Variants in FRMPD4 observed in about 807,000 individuals in gnomAD.
FRMPD4 encodes FERM and PDZ domain containing 4.
A neutral mutation model predicts 94.1 loss-of-function variants in FRMPD4; 22 were observed. The ratio of observed to expected loss-of-function variants is 0.23; its 90% CI spans 0.17 to 0.33. The LOEUF (loss-of-function observed/expected upper bound fraction) is 0.33. FRMPD4 is among the 10% of genes least tolerant of loss of function. The probability of loss-of-function intolerance (pLI) is 1.00; values close to 1 mark genes in which losing one functional copy is unlikely to be tolerated. For missense variants in FRMPD4, 1,111 were observed against 1,339.9 expected (o/e 0.83, Z 2.67); for synonymous variants, 631 against 548.6 (o/e 1.15, Z -2.10).
At chrX:12,559,487 T>C (rs1348592665) in intron 2 of FRMPD4, among the ~76,000 whole-genome samples, 2 of 110,433 alleles carry the variant, frequency 1.8e-5, no homozygotes, top group African/African-American at 6.6e-5. Flanking sequence ...CCATCTCTAC[T>C]AAAAATACAA....
At chrX:12,391,692 A>G (rs1382217424) in intron 1 of FRMPD4, among the ~76,000 whole-genome samples, 1 of 111,398 alleles carries the variant, frequency 9.0e-6, no homozygotes, top group Admixed American at 9.5e-5. Context: ...TCACTTTGCC[A>G]TGTACTGAAA....
intron 4 of FRMPD4, among the ~76,000 whole-genome samples, chrX:12,654,060 C>T (rs745495387): frequency 6.2e-5 from 7 of 112,183 alleles, no homozygotes; most frequent in African/African-American, 1.6e-4. Context: ...CGTGAGCCAC[C>T]GTGCCCAGCC....
intron 4 of FRMPD4, among the ~76,000 whole-genome samples, chrX:12,661,565 A>G (rs1290190948): frequency 1.8e-5 from 2 of 112,079 alleles, no homozygotes; most frequent in East Asian, 5.6e-4. Flanking sequence ...CCTGAACATG[A>G]CTTAGAAATG....
intron 3 of FRMPD4, among the ~76,000 whole-genome samples, chrX:12,036,885 C>T (rs747435568): frequency 1.8e-5 from 2 of 112,154 alleles, no homozygotes; most frequent in South Asian, 7.5e-4. Context: ...GCCATTGACA[C>T]GGTAATGTGG....
chrX:11,883,249 T>A (rs896043444), intron 3 of FRMPD4, among the ~76,000 whole-genome samples: 6 of 111,751 alleles, frequency 5.4e-5, no homozygotes, highest in African/African-American at 2.0e-4. Context: ...AAATTGGGGA[T>A]CATTGGCACA....
intron 3 of FRMPD4, among the ~76,000 whole-genome samples, chrX:11,905,927 C>G (rs936454630): frequency 9.0e-6 from 1 of 110,539 alleles, no homozygotes; most frequent in Non-Finnish European, 1.9e-5. Context: ...TAACATCAAC[C>G]AATGTGAAAT....
intron 1 of FRMPD4, among the ~76,000 whole-genome samples, chrX:12,309,217 A>T: frequency 9.0e-6 from 1 of 111,715 alleles, no homozygotes; most frequent in East Asian, 2.8e-4. Context: ...TAGTTTGCCA[A>T]CCCTTGCTCC....
chrX:11,827,543 T>G (rs1208260107), intron 1 of FRMPD4, among the ~76,000 whole-genome samples: 1 of 111,474 alleles, frequency 9.0e-6, no homozygotes. Flanking sequence ...GTAGCAAGAC[T>G]TCTAAGAAGA....
At position 12,524,313 on chromosome X, in the gene FRMPD4, C is replaced by T. The variant is rs190618159; in HGVS notation, c.158+25517C>T. Among the ~76,000 whole-genome samples the T allele has an allele frequency of 1.9e-3, 218 of 112,208 alleles. 2 individuals carry two copies. The highest frequency in any genetic ancestry group is 4.6e-3 in the Middle Eastern group (1 of 217). ...AACTGGTCTATTTTGGAATCTATCT[C>T]CTTCCTTAAAACTTCAGTTTGATTA... On this transcript the variant is annotated intron_variant, in intron 2 of 16. Transcript: ENST00000675598.
At chrX:12,643,683 T>G (rs1180692854) in intron 4 of FRMPD4, among the ~76,000 whole-genome samples, 1 of 111,864 alleles carries the variant, frequency 8.9e-6, no homozygotes, top group African/African-American at 3.2e-5. Flanking sequence ...CCCAAATTTG[T>G]AGCTTGAGCC....
intron 1 of FRMPD4, among the ~76,000 whole-genome samples, chrX:12,240,685 G>A (rs1447442905): frequency 8.9e-6 from 1 of 112,264 alleles, no homozygotes; most frequent in Non-Finnish European, 1.9e-5. Flanking sequence ...TATAGATCAA[G>A]ATAAGCAATG....
chrX:12,235,326 G>GTCTC (rs1336978659), intron 1 of FRMPD4, among the ~76,000 whole-genome samples: 1 of 111,872 alleles, frequency 8.9e-6, no homozygotes, highest in African/African-American at 3.3e-5. Context: ...GGATGAAATA[G>GTCTC]TCTCTCCTCT....
intron 1 of FRMPD4, among the ~76,000 whole-genome samples, chrX:12,253,348 A>G (rs921628205): frequency 8.9e-6 from 1 of 112,362 alleles, no homozygotes; most frequent in Admixed American, 9.4e-5. Flanking sequence ...ACTCTCCCCC[A>G]GCATTATGAA....
chrX:12,394,062 T>G (rs1288375885), intron 1 of FRMPD4, among the ~76,000 whole-genome samples: 4 of 111,896 alleles, frequency 3.6e-5, no homozygotes, highest in African/African-American at 1.3e-4. Flanking sequence ...GATAATAAGT[T>G]ATATAAGTTA....
intron 3 of FRMPD4, among the ~76,000 whole-genome samples, chrX:11,993,894 A>C (rs1353370773): frequency 1.8e-5 from 2 of 112,070 alleles, no homozygotes; most frequent in African/African-American, 6.5e-5. Flanking sequence ...ACTAGGGTCC[A>C]ATTCTGCTAA....
At chrX:12,360,350 G>A (rs775733170) in intron 1 of FRMPD4, among the ~76,000 whole-genome samples, 1 of 111,910 alleles carries the variant, frequency 8.9e-6, no homozygotes, top group South Asian at 3.8e-4. Context: ...CACTTAGTGA[G>A]TTGAGCTTGA....
At chrX:12,437,371 T>C (rs775207014) in intron 1 of FRMPD4, among the ~76,000 whole-genome samples, 2 of 108,875 alleles carry the variant, frequency 1.8e-5, no homozygotes, top group Non-Finnish European at 3.8e-5. Flanking sequence ...TTCCAGGTAG[T>C]ATTTATTTAG....
chrX:11,974,898 C>G (rs1351335526), intron 3 of FRMPD4, among the ~76,000 whole-genome samples: 1 of 111,382 alleles, frequency 9.0e-6, no homozygotes, highest in Non-Finnish European at 1.9e-5. Context: ...ATGAAGTCCA[C>G]TGAGTCAAAG....
intron 2 of FRMPD4, among the ~76,000 whole-genome samples, chrX:12,571,344 A>C (rs1226124873): frequency 8.9e-6 from 1 of 112,837 alleles, no homozygotes; most frequent in Non-Finnish European, 1.9e-5. Context: ...TAAATGAAGT[A>C]TGGGATGTAC....
Sources: gnomAD v4.1 joint callset for allele counts (sites outside exome capture counted in the v4.1 genomes callset) on GRCh38, gnomAD v4.1.1 for gene constraint, MANE v1.5 for transcripts, NCBI Gene and HGNC (gene_info 2026-07-23, HGNC 2026-07-21) for gene names.